KCNQ2: variants seen among roughly 807,000 people sequenced by gnomAD.
KCNQ2 encodes the protein potassium voltage-gated channel subfamily Q member 2, also known as potassium voltage-gated channel subfamily KQT member 2.
Under a neutral mutation model 84.8 loss-of-function variants are expected in KCNQ2, and 14 were observed. The ratio of observed to expected loss-of-function variants is 0.17; its 90% CI spans 0.11 to 0.26. The LOEUF (loss-of-function observed/expected upper bound fraction) is 0.26. KCNQ2 is among the 10% of genes least tolerant of loss of function. KCNQ2 has a pLI of 1.00. For missense variants in KCNQ2, 788 were observed against 1,254.0 expected, an observed-to-expected ratio of 0.63 and a Z score of 5.61; for synonymous variants, 599 against 554.1, an observed-to-expected ratio of 1.08 and a Z score of -1.14.
intron 1 of KCNQ2, among the ~76,000 whole-genome samples, chr20:63,457,106 G>A (rs925655752): frequency 4.6e-5 from 7 of 152,362 alleles, no homozygotes; most frequent in South Asian, 2.1e-4. Flanking sequence ...GGGCGCGGGC[G>A]CCGCTGACAG....
chr20:63,419,758 C>T, intron 11 of KCNQ2, 86 bp from the exon 12 acceptor site: 17 of 1,250,094 alleles, frequency 1.4e-5, no homozygotes, highest in Non-Finnish European at 1.8e-5. Flanking sequence ...TGCAACCACC[C>T]AGGGTGTTGT....
intron 15 of KCNQ2, among the ~76,000 whole-genome samples, chr20:63,410,736 C>T (rs1235430393): frequency 6.6e-6 from 1 of 152,212 alleles, no homozygotes; most frequent in African/African-American, 2.4e-5. Context: ...GAAACCCCAC[C>T]ACAGAGGGAG....
chr20:63,461,304 G>A (rs946066771), intron 1 of KCNQ2, among the ~76,000 whole-genome samples: 1 of 152,196 alleles, frequency 6.6e-6, no homozygotes, highest in Non-Finnish European at 1.5e-5. Context: ...AATGGCACCC[G>A]TGGGAAGGGA....
intron 12 of KCNQ2, among the ~76,000 whole-genome samples, chr20:63,419,072 G>A (rs2080388788): frequency 6.6e-6 from 1 of 152,106 alleles, no homozygotes; most frequent in Admixed American, 6.5e-5. Context: ...AGGAGCCCAC[G>A]GTGCAAAGGG....
intron 7 of KCNQ2, 39 bp from the exon 8 acceptor site, chr20:63,433,942 C>T (rs1433850897): frequency 5.7e-6 from 9 of 1,584,256 alleles, no homozygotes; most frequent in Non-Finnish European, 7.8e-6. Context: ...GAGGGGCAGG[C>T]GGCGAGGGGC....
intron 1 of KCNQ2, among the ~76,000 whole-genome samples, chr20:63,454,939 G>A (rs1325358028): frequency 6.6e-6 from 1 of 152,222 alleles, no homozygotes; most frequent in South Asian, 2.1e-4. Context: ...CCACAGTGTG[G>A]GTACAGCCCC....
At chr20:63,437,541 C>G (rs1175015270) in intron 7 of KCNQ2, 4 of 152,274 alleles carry the variant, frequency 2.6e-5, no homozygotes, top group African/African-American at 9.6e-5. Context: ...GTGGCCACGT[C>G]TCCAGTCTCC....
chr20:63,432,797 A>G (rs2080864497), intron 8 of KCNQ2, among the ~76,000 whole-genome samples: 2 of 132,892 alleles, frequency 1.5e-5, no homozygotes, highest in Middle Eastern at 4.1e-3. Flanking sequence ...CCCTCAGGGA[A>G]GGCCCCACCC....
chr20:63,413,707 CG>C, intron 14 of KCNQ2, 126 bp from the exon 15 acceptor site: 1 of 1,031,756 alleles, frequency 9.7e-7, no homozygotes, highest in Non-Finnish European at 1.5e-6. Context: ...TCTTGTCTGC[CG>C]CCCACCAGCT....
At position 63,406,910 on chromosome 20, in the gene KCNQ2, C is replaced by T. The variant is rs1176290657; in HGVS notation, c.2353G>A (p.Asp785Asn). Residue 785 changes from aspartate (D) to asparagine (N), a missense_variant, in exon 17 of 17, where the codon GAC (aspartate) becomes AAC (asparagine). By Grantham distance (23) the Asp-to-Asn change is conservative. Transcript: ENST00000359125. ...ACGGACGGGATGGAGATGGACGTGTCGCTGTCCCGCAGGTTCCCCTCGGGG... is the reference window on the plus strand; with the variant it reads ...ACGGACGGGATGGAGATGGACGTGTTGCTGTCCCGCAGGTTCCCCTCGGGG... ...RPPEGNLRDSDTSISIPSVDH... is the reference protein window; with the variant it reads ...RPPEGNLRDSNTSISIPSVDH... The T allele has an allele frequency of 1.2e-6, 2 of 1,610,038 alleles. No individual in the cohort carries two copies. Among genetic ancestry groups the T allele is most frequent in the Non-Finnish European group, 1.7e-6 (2 of 1,179,126 alleles).
rs764615246 is a variant in KCNQ2 at position 63,406,758 on chromosome 20, C to G, written c.2505G>C (p.Ala835=). 2 of 1,612,274 alleles carry G rather than the reference C, an allele frequency of 1.2e-6. No individual in the cohort carries two copies. Among genetic ancestry groups the G allele is most frequent in the Non-Finnish European group, 1.7e-6 (2 of 1,179,754 alleles). Residue 835 remains alanine, a synonymous_variant, in exon 17 of 17, where the codon GCG becomes GCC. Transcript: ENST00000359125. ...APCAKVRPYI[A]EGESDTDSDL... The stretch of plus-strand genomic sequence containing the variant: ...CGGAGTCGGTGTCTGACTCTCCCTC[C>G]GCAATGTAGGGCCTGACTTTGGCAC...
rs372204531 is a variant in KCNQ2 at position 63,435,390 on chromosome 20, C to A, written c.1024-1487G>T. On this transcript the variant is annotated intron_variant, in intron 7 of 16. Transcript: ENST00000359125. ...GCAAGAGAGCAAGTCCCTATCTCAA[C>A]AACAACAAAAAAAAAAAGTTGGCCA... 1.2e-3 allele frequency among the ~76,000 whole-genome samples: 163 copies of A among 136,082 alleles called. 1 individual carries two copies. Among genetic ancestry groups the A allele is most frequent in the South Asian group, 2.2e-3 (9 of 4,138 alleles). 89.3% of individuals were successfully genotyped at this position (136,082 alleles called of 152,430 possible).
At position 63,446,844 on chromosome 20, in the gene KCNQ2, G is replaced by A. The variant is rs773434576; in HGVS notation, c.297-7C>T. On this transcript the variant is annotated splice_region_variant and splice_polypyrimidine_tract_variant and intron_variant, in intron 1 of 16. Coordinates refer to ENST00000359125, the MANE Select transcript of KCNQ2 (RefSeq NM_172107.4). The surrounding 1 kb of genome is among the most constrained non-coding windows in gnomAD (Gnocchi z 5.5). ...GGAGAAAACCAGGAGGAACCTGGGG[G>A]CAGGGAACGCGCGCTCTCAGACAGG... 6.8e-6 allele frequency: 11 copies of A among 1,612,394 alleles called. No homozygotes were observed. In the South Asian group the frequency reaches 1.1e-4, roughly 16 times the overall value.
At chr20:63,412,273 G>T in intron 15 of KCNQ2, 1 of 179,902 alleles carries the variant, frequency 5.6e-6, no homozygotes, top group Non-Finnish European at 1.2e-5. Flanking sequence ...TGTTTTGTTT[G>T]TTTTTCCAGA....
At chr20:63,462,513 C>T (rs2081983554) in intron 1 of KCNQ2, among the ~76,000 whole-genome samples, 1 of 152,208 alleles carries the variant, frequency 6.6e-6, no homozygotes, top group Admixed American at 6.5e-5. Context: ...CCCAGAGCCT[C>T]CTCTCCCTGC....
At chr20:63,433,332 G>T (rs181176451) in intron 8 of KCNQ2, 15 of 218,800 alleles carry the variant, frequency 6.9e-5, no homozygotes, top group African/African-American at 2.8e-4. Context: ...GAGTTTCCTG[G>T]TCTGAAAGTC....
chr20:63,421,510 A>G (rs1292606168), intron 11 of KCNQ2, among the ~76,000 whole-genome samples: 3 of 152,114 alleles, frequency 2.0e-5, no homozygotes, highest in Non-Finnish European at 4.4e-5. Flanking sequence ...TTCCTGCCCC[A>G]TCAGCCACAG....
Position 63,425,853 on chromosome 20 carries a change from T to C in KCNQ2, c.1218-1647A>G, listed in dbSNP as rs1568901755. On this transcript the variant is annotated intron_variant, in intron 10 of 16. Transcript: ENST00000359125. The surrounding 1 kb of genome is among the most constrained non-coding windows in gnomAD (Gnocchi z 5.5). ...ACCTGGGGCTAAAGTCCTCCATGCA[T>C]GGGCTTGTGAACTAGAAAACAAGCC... Among the ~76,000 whole-genome samples the C allele has an allele frequency of 2.6e-5, 4 of 152,336 alleles. No homozygotes were observed. Among genetic ancestry groups the C allele is most frequent in the South Asian group, 2.1e-4 (1 of 4,826 alleles).
intron 15 of KCNQ2, chr20:63,410,058 A>G (rs2080074729): frequency 1.5e-5 from 4 of 262,064 alleles, no homozygotes; most frequent in East Asian, 3.1e-4. Flanking sequence ...GCCACAGTGC[A>G]GCTCCTCATG....
Sources: gnomAD v4.1 joint callset for allele counts (sites outside exome capture counted in the v4.1 genomes callset) on GRCh38, gnomAD v4.1.1 for gene constraint, Gnocchi (gnomAD v3.1) non-coding constraint, MANE v1.5 for transcripts, NCBI Gene and HGNC (gene_info 2026-07-23, HGNC 2026-07-21) for gene names.